XIRP2: variants seen among roughly 807,000 people sequenced by gnomAD.
XIRP2 encodes xin actin binding repeat containing 2.
A neutral mutation model predicts 277.0 loss-of-function variants in XIRP2; 236 were observed. The ratio of observed to expected loss-of-function variants is 0.85; its 90% CI spans 0.77 to 0.95. The LOEUF is 0.95. XIRP2 is among the 40% of genes least tolerant of loss of function. XIRP2 has a pLI of 0.00. For missense variants in XIRP2, 4,640 were observed against 4,157.5 expected (o/e 1.12, Z -3.19); for synonymous variants, 1,490 against 1,416.5 (o/e 1.05, Z -1.17).
chr2:167,211,146 C>G (rs1307846049), intron 4 of XIRP2, among the ~76,000 whole-genome samples: 1 of 152,070 alleles, frequency 6.6e-6, no homozygotes, highest in Non-Finnish European at 1.5e-5. Flanking sequence ...GCTCTGTCAT[C>G]CAGGCTGGAG....
chr2:167,029,340 T>C (rs1688261209), intron 2 of XIRP2, among the ~76,000 whole-genome samples: 1 of 152,110 alleles, frequency 6.6e-6, no homozygotes, highest in Non-Finnish European at 1.5e-5. Flanking sequence ...TGGCTGTGAG[T>C]TTGTCATAAA....
In XIRP2 at chr2:167,248,148, C is replaced by T; in HGVS notation, c.6756C>T (p.Asp2252=). The part of the protein sequence containing the change: ...RETDVHLKSQ[D]FLMKTNTSTG... ...CTGATGTTCACTTGAAAAGCCAGGA[C>T]TTTCTAATGAAAACAAATACTTCCA... The change falls in exon 9 of 11, where the codon GAC becomes GAT. Residue 2252 remains aspartate, a synonymous_variant. Transcript: ENST00000409195. The T allele has an allele frequency of 1.9e-6, 3 of 1,613,672 alleles. No individual in the cohort carries two copies. The highest frequency in any genetic ancestry group is 2.5e-6 in the Non-Finnish European group (3 of 1,179,806).
At chr2:167,013,427 C>T (rs1338340449) in intron 2 of XIRP2, among the ~76,000 whole-genome samples, 1 of 151,402 alleles carries the variant, frequency 6.6e-6, no homozygotes, top group Non-Finnish European at 1.5e-5. Context: ...TAAGAATCAG[C>T]TGCAGATTCT....
chr2:167,066,620 G>T (rs111803132), intron 2 of XIRP2, among the ~76,000 whole-genome samples: 1 of 151,928 alleles, frequency 6.6e-6, no homozygotes, highest in South Asian at 2.1e-4. Context: ...CCACTTCTAC[G>T]TACATATCCA....
chr2:167,172,063 G>A (rs1346303004), intron 3 of XIRP2, among the ~76,000 whole-genome samples: 1 of 152,144 alleles, frequency 6.6e-6, no homozygotes, highest in African/African-American at 2.4e-5. Context: ...ATAATTCAAT[G>A]TGAGTCCTTT....
chr2:167,024,668 T>G (rs1688097687), intron 2 of XIRP2, among the ~76,000 whole-genome samples: 2 of 152,160 alleles, frequency 1.3e-5, no homozygotes, highest in African/African-American at 4.8e-5. Context: ...CATGACGTGT[T>G]GTTGAATTTT....
chr2:167,142,091 G>C (rs890079615), intron 3 of XIRP2, among the ~76,000 whole-genome samples: 2 of 152,044 alleles, frequency 1.3e-5, no homozygotes, highest in Admixed American at 6.6e-5. Context: ...CTCCTACCCT[G>C]GTTTATCAGT....
At chr2:166,997,088 G>T (rs1163921394) in intron 2 of XIRP2, among the ~76,000 whole-genome samples, 1 of 152,300 alleles carries the variant, frequency 6.6e-6, no homozygotes, top group East Asian at 1.9e-4. Flanking sequence ...GGACCTAAAT[G>T]TAAGGTCATA....
chr2:166,895,921 A>C (rs1316761800), intron 1 of XIRP2, among the ~76,000 whole-genome samples: 2 of 152,196 alleles, frequency 1.3e-5, no homozygotes, highest in African/African-American at 2.4e-5. Flanking sequence ...TACTACATAG[A>C]TATACTAAGA....
intron 2 of XIRP2, among the ~76,000 whole-genome samples, chr2:167,057,268 CAA>C (rs981194138): frequency 1.3e-5 from 2 of 152,122 alleles, no homozygotes; most frequent in East Asian, 1.9e-4. Context: ...CATTCCAAAC[CAA>C]AGAGTCCTAA....
At chr2:166,918,199 C>G (rs1684942777) in intron 2 of XIRP2, among the ~76,000 whole-genome samples, 2 of 152,226 alleles carry the variant, frequency 1.3e-5, no homozygotes, top group South Asian at 4.1e-4. Flanking sequence ...GTTTATCCAC[C>G]AGGAATGTTG....
intron 2 of XIRP2, among the ~76,000 whole-genome samples, chr2:167,050,629 A>C (rs1210935842): frequency 6.6e-6 from 1 of 151,992 alleles, no homozygotes; most frequent in African/African-American, 2.4e-5. Context: ...TTCACCCCAG[A>C]GTGAGGGAAA....
intron 2 of XIRP2, among the ~76,000 whole-genome samples, chr2:167,061,386 T>C (rs1689170498): frequency 6.6e-6 from 1 of 152,178 alleles, no homozygotes; most frequent in African/African-American, 2.4e-5. Context: ...CAGTATAATA[T>C]TGAATAAAAG....
At chr2:167,000,951 G>A (rs1206454175) in intron 2 of XIRP2, among the ~76,000 whole-genome samples, 2 of 152,080 alleles carry the variant, frequency 1.3e-5, no homozygotes, top group African/African-American at 4.8e-5. Flanking sequence ...GGAGGCTGAG[G>A]CAGTAGGATA....
At position 167,250,591 on chromosome 2, in the gene XIRP2, A is replaced by G. The variant is rs1323045492; in HGVS notation, c.9199A>G (p.Ser3067Gly). 1 of 1,613,476 alleles carries G rather than the reference A, an allele frequency of 6.2e-7. No homozygotes were observed. The highest frequency in any genetic ancestry group is 8.5e-7 in the Non-Finnish European group (1 of 1,179,734). ...TGTTCATGTCAGCAATAATAAAAATAGTGAACAGAAAGAAAATAAAATTGC... is the reference window on the plus strand; with the variant it reads ...TGTTCATGTCAGCAATAATAAAAATGGTGAACAGAAAGAAAATAAAATTGC... ...SNVHVSNNKN[S>G]EQKENKIAKE... The change falls in exon 9 of 11, where the codon AGT (serine) becomes GGT (glycine). Residue 3067 changes from serine to glycine, a missense_variant. Coordinates refer to ENST00000409195, the MANE Select transcript of XIRP2 (RefSeq NM_152381.6).
intron 2 of XIRP2, among the ~76,000 whole-genome samples, chr2:166,916,110 T>C (rs920015888): frequency 6.6e-6 from 1 of 152,208 alleles, no homozygotes; most frequent in African/African-American, 2.4e-5. Flanking sequence ...TGTCATTCAC[T>C]CCACTAATCA....
chr2:167,235,963 AGCTTG>A (rs1300287819), intron 5 of XIRP2, among the ~76,000 whole-genome samples: 1 of 151,968 alleles, frequency 6.6e-6, no homozygotes, highest in Non-Finnish European at 1.5e-5. Flanking sequence ...ATTCTTTCAA[AGCTTG>A]AATCCACTGA....
In XIRP2 at chr2:167,082,858, A is replaced by T. The variant is rs1185961403; in HGVS notation, c.409-53051A>T. ...CTGGATATTAGCCCTTTGTCAGATG[A>T]GTAGGTTGTGAACATTTTCTCCCAT... On this transcript the variant is annotated intron_variant, in intron 2 of 10. Coordinates refer to ENST00000409195, the MANE Select transcript of XIRP2 (RefSeq NM_152381.6). Among the ~76,000 whole-genome samples the T allele has an allele frequency of 2.0e-5, 3 of 151,958 alleles. No homozygotes were observed. The East Asian group carries it at 5.8e-4, about 29-fold the overall frequency.
At chr2:166,906,994 A>G (rs1259060716) in intron 2 of XIRP2, among the ~76,000 whole-genome samples, 2 of 152,156 alleles carry the variant, frequency 1.3e-5, no homozygotes, top group East Asian at 1.9e-4. Flanking sequence ...AACAGTCACT[A>G]TTTCAGAGTC....
Sources: gnomAD v4.1 joint callset for allele counts (sites outside exome capture counted in the v4.1 genomes callset) on GRCh38, gnomAD v4.1.1 for gene constraint, MANE v1.5 for transcripts, NCBI Gene and HGNC (gene_info 2026-07-23, HGNC 2026-07-21) for gene names.